ADAMTS20: variants seen among roughly 807,000 people sequenced by gnomAD.
ADAMTS20 encodes ADAM metallopeptidase with thrombospondin type 1 motif 20, also known as A disintegrin and metalloproteinase with thrombospondin motifs 20.
Under a neutral mutation model 260.1 loss-of-function variants are expected in ADAMTS20, and 225 were observed. The ratio of observed to expected loss-of-function variants is 0.87; its 90% CI spans 0.78 to 0.97. The LOEUF is 0.97. Among genes scored for constraint, ADAMTS20 ranks in the 50% least tolerant of loss-of-function variants. ADAMTS20 has a pLI of 0.00. For missense variants in ADAMTS20, 2,400 were observed against 2,337.7 expected, an observed-to-expected ratio of 1.03 and a Z score of -0.55; for synonymous variants, 802 against 769.5, an observed-to-expected ratio of 1.04 and a Z score of -0.70.
chr12:43,466,836 T>C, intron 8 of ADAMTS20, 41 bp from the exon 9 acceptor site: 1 of 1,424,508 alleles, frequency 7.0e-7, no homozygotes, highest in South Asian at 1.2e-5. Flanking sequence ...TATCAAAAGA[T>C]GCTTACGATA....
At chr12:43,467,365 TA>T (rs1293196878) in intron 8 of ADAMTS20, among the ~76,000 whole-genome samples, 6 of 152,046 alleles carry the variant, frequency 3.9e-5, no homozygotes, top group African/African-American at 1.4e-4. Flanking sequence ...ACTTAATTAT[TA>T]AGTAATTAGC....
chr12:43,425,834 T>A, intron 27 of ADAMTS20, 144 bp from the exon 28 acceptor site: 1 of 504,522 alleles, frequency 2.0e-6, no homozygotes, highest in Non-Finnish European at 3.2e-6. Flanking sequence ...GTTACTCTAG[T>A]AATGGTAGCG....
chr12:43,523,515 C>A (rs1011917897), intron 3 of ADAMTS20, among the ~76,000 whole-genome samples: 4 of 152,232 alleles, frequency 2.6e-5, no homozygotes, highest in East Asian at 1.9e-4. Flanking sequence ...GCTGTGCAGG[C>A]AACCTGGGAG....
intron 7 of ADAMTS20, among the ~76,000 whole-genome samples, chr12:43,471,885 A>G (rs1288734647): frequency 2.2e-5 from 3 of 134,328 alleles, no homozygotes; most frequent in South Asian, 2.7e-4. Flanking sequence ...AAAGATGGGG[A>G]AAAAACAGAA....
intron 15 of ADAMTS20, 47 bp from the exon 16 acceptor site, chr12:43,443,930 C>T (rs747102220): frequency 2.0e-6 from 3 of 1,495,748 alleles, no homozygotes; most frequent in African/African-American, 1.4e-5. Flanking sequence ...AAGCAGATGG[C>T]CCAGAGGTTA....
intron 28 of ADAMTS20, chr12:43,423,380 T>G (rs1051784647): frequency 4.5e-5 from 9 of 200,556 alleles, no homozygotes; most frequent in African/African-American, 2.1e-4. Flanking sequence ...TCACAAACAC[T>G]TAATTTTAAT....
At chr12:43,497,231 G>A (rs1858937962) in intron 4 of ADAMTS20, among the ~76,000 whole-genome samples, 1 of 152,154 alleles carries the variant, frequency 6.6e-6, no homozygotes, top group Non-Finnish European at 1.5e-5. Context: ...GAAAGGTGAA[G>A]AAGAAATGGT....
intron 36 of ADAMTS20, among the ~76,000 whole-genome samples, chr12:43,373,670 C>CTTTTTTT (rs71091149): frequency 4.2e-5 from 3 of 71,264 alleles, no homozygotes; most frequent in Non-Finnish European, 7.3e-5. Context: ...AATATCATCT[C>CTTTTTTT]TTTTTTTTTT....
At position 43,439,931 on chromosome 12, in the gene ADAMTS20, C is replaced by G. The variant is rs1353187713; in HGVS notation, c.2429G>C (p.Ser810Thr). The change falls in exon 17 of 39, where the codon AGT (serine) becomes ACT (threonine). Residue 810 changes from serine to threonine, a missense_variant. Coordinates refer to ENST00000389420, the MANE Select transcript of ADAMTS20 (RefSeq NM_025003.5). ...GSNNAVERIN[S>T]TNRQEKELIL... ...AAGTTCTTTCTCTTGTCGATTAGTA[C>G]TATTAATTCTTTCAACTGCGTTATT... 6.8e-6 allele frequency: 11 copies of G among 1,606,762 alleles called. No individual in the cohort carries two copies. The highest frequency in any genetic ancestry group is 3.3e-4 in the Middle Eastern group (2 of 6,072).
intron 3 of ADAMTS20, among the ~76,000 whole-genome samples, chr12:43,505,990 G>A (rs1462295941): frequency 1.3e-5 from 2 of 152,164 alleles, no homozygotes; most frequent in Admixed American, 1.3e-4. Flanking sequence ...CATGTGTGGT[G>A]GCATGCACCT....
chr12:43,539,119 A>AT (rs1943338920), intron 2 of ADAMTS20, among the ~76,000 whole-genome samples: 1 of 151,654 alleles, frequency 6.6e-6, no homozygotes, highest in African/African-American at 2.4e-5. Flanking sequence ...CGCCCAGGTA[A>AT]TTTTTGTATT....
intron 11 of ADAMTS20, among the ~76,000 whole-genome samples, chr12:43,459,420 T>A (rs976640130): frequency 6.6e-6 from 1 of 152,190 alleles, no homozygotes; most frequent in Non-Finnish European, 1.5e-5. Context: ...ACTCACAGCA[T>A]GGCCCAAGAT....
At chr12:43,512,404 G>C (rs1250342449) in intron 3 of ADAMTS20, among the ~76,000 whole-genome samples, 1 of 150,702 alleles carries the variant, frequency 6.6e-6, no homozygotes, top group South Asian at 2.1e-4. Context: ...AGGTTAAACT[G>C]CCTATTGTAA....
chr12:43,364,551 A>T (rs555010082), intron 37 of ADAMTS20, among the ~76,000 whole-genome samples: 6 of 152,322 alleles, frequency 3.9e-5, no homozygotes, highest in African/African-American at 1.4e-4. Context: ...AGTCAAAGGA[A>T]AACTCTGAAG....
chr12:43,452,434 T>C, intron 13 of ADAMTS20, 24 bp from the exon 14 acceptor site: 6 of 1,606,072 alleles, frequency 3.7e-6, no homozygotes, highest in Non-Finnish European at 5.1e-6. Context: ...AAAGGTCAAA[T>C]TTTTAATGTA....
intron 29 of ADAMTS20, among the ~76,000 whole-genome samples, chr12:43,389,378 AG>A (rs1245363649): frequency 1.3e-5 from 2 of 152,250 alleles, no homozygotes; most frequent in Non-Finnish European, 2.9e-5. Context: ...AAAGAAGAAA[AG>A]GGTAATAGGA....
At chr12:43,423,509 A>T (rs1362842649) in intron 28 of ADAMTS20, 3 of 543,206 alleles carry the variant, frequency 5.5e-6, no homozygotes, top group Non-Finnish European at 9.8e-6. Flanking sequence ...TGCCATTACA[A>T]TTCAATCTCA....
chr12:43,476,860 G>C (rs1462086992), intron 7 of ADAMTS20, among the ~76,000 whole-genome samples: 2 of 150,918 alleles, frequency 1.3e-5, no homozygotes, highest in African/African-American at 2.4e-5. Context: ...TGGGTGGAGG[G>C]GGGAGGGATA....
chr12:43,436,850 C>T (rs948848888), intron 18 of ADAMTS20, among the ~76,000 whole-genome samples: 1 of 152,172 alleles, frequency 6.6e-6, no homozygotes, highest in South Asian at 2.1e-4. Context: ...GAGAGAATTC[C>T]TCTCTTGCAG....
Sources: gnomAD v4.1 joint callset for allele counts (sites outside exome capture counted in the v4.1 genomes callset) on GRCh38, gnomAD v4.1.1 for gene constraint, MANE v1.5 for transcripts, NCBI Gene and HGNC (gene_info 2026-07-23, HGNC 2026-07-21) for gene names.